Variants in KHNYN observed in about 807,000 individuals in gnomAD.
KHNYN encodes KH and NYN domain containing, also known as protein KHNYN.
In KHNYN, 42 loss-of-function variants were observed where a neutral mutation model predicts 62.7. That is an observed-to-expected ratio of 0.67 (90% CI 0.52 to 0.87). KHNYN has a LOEUF of 0.87. KHNYN is among the 40% of genes least tolerant of loss of function. KHNYN has a pLI of 0.00. For synonymous variants in KHNYN, 347 were observed against 345.6 expected, an observed-to-expected ratio of 1.00 and a Z score of -0.04; for missense variants, 829 against 874.1, an observed-to-expected ratio of 0.95 and a Z score of 0.65.
At position 24,437,670 on chromosome 14, in the gene KHNYN, T is replaced by C; in HGVS notation, c.*385T>C. On this transcript the variant is annotated 3_prime_UTR_variant, in exon 8 of 8. Coordinates refer to ENST00000553935, the MANE Select transcript of KHNYN (RefSeq NM_015299.3). The surrounding 1 kb of genome is among the most constrained non-coding windows in gnomAD (Gnocchi z 5.5). The stretch of plus-strand genomic sequence containing the variant: ...AGCTGTTCCTCTCCCTGGCTGCTGC[T>C]CTGGATGGCCAGAGAACAAGATGCT... The C allele has an allele frequency of 5.5e-6, 1 of 181,302 alleles. No homozygotes were observed. Among genetic ancestry groups the C allele is most frequent in the Non-Finnish European group, 1.2e-5 (1 of 85,496 alleles). The allele number at this position is 181,302 out of a possible 1,614,324, so 11.2% of individuals were successfully genotyped here.
Position 24,430,760 on chromosome 14 carries a change from C to G in KHNYN, c.30C>G (p.Ser10=), listed in dbSNP as rs1347195395. 2 of 1,584,948 alleles carry G rather than the reference C, an allele frequency of 1.3e-6. No homozygotes were observed. Among genetic ancestry groups the G allele is most frequent in the East Asian group, 4.6e-5 (2 of 43,024 alleles). Residue 10 remains serine, a synonymous_variant, in exon 2 of 8, where the codon TCC becomes TCG. Transcript: ENST00000553935. The part of the protein sequence containing the change: MPTWGARPA[S]PDRFAVSAEA... ...CTACCTGGGGGGCCCGCCCCGCGTCCCCAGATCGCTTTGCGGTGTCTGCGG... is the reference window on the plus strand; with the variant it reads ...CTACCTGGGGGGCCCGCCCCGCGTCGCCAGATCGCTTTGCGGTGTCTGCGG...
chr14:24,433,661 T>C (rs2043160486), intron 5 of KHNYN, among the ~76,000 whole-genome samples: 1 of 152,246 alleles, frequency 6.6e-6, no homozygotes, highest in African/African-American at 2.4e-5. Flanking sequence ...ATAAGGTATG[T>C]GCTTGCCTTG....
At chr14:24,424,202 A>G in the KHNYN span, among the ~76,000 whole-genome samples, 4 of 152,368 alleles carry the variant, frequency 2.6e-5, no homozygotes, top group East Asian at 7.7e-4. Context: ...GCTCAGGGCA[A>G]TTTTTGAATT....
chr14:24,430,850 C>G lies in KHNYN; in HGVS notation c.120C>G (p.Ser40Arg). Residue 40 changes from serine (S) to arginine (R), a missense_variant, in exon 2 of 8, where the codon AGC becomes AGG. Physicochemically the swap from Ser to Arg is moderately radical, Grantham distance 110. Transcript: ENST00000553935. ...HVERIFSVGV[S>R]VLPKDCPDNP... ...AGCGCATCTTCAGCGTGGGGGTGAG[C>G]GTCCTTCCGAAGGACTGTCCGGACA... is the stretch of plus-strand genomic sequence containing the variant. 6.2e-7 allele frequency: 1 copy of G among 1,613,610 alleles called. No individual in the cohort carries two copies. The highest frequency in any genetic ancestry group is 8.5e-7 in the Non-Finnish European group (1 of 1,179,818).
Position 24,440,674 on chromosome 14 carries a change from G to T in KHNYN, c.*3389G>T. The T allele has an allele frequency of 6.9e-7, 1 of 1,444,506 alleles. No individual in the cohort carries two copies. Among genetic ancestry groups the T allele is most frequent in the Non-Finnish European group, 9.5e-7 (1 of 1,049,158 alleles). 89.5% of individuals were successfully genotyped at this position (1,444,506 alleles called of 1,614,324 possible). On this transcript the variant is annotated 3_prime_UTR_variant, in exon 8 of 8. Transcript: ENST00000553935. ...CTCATCTGCAGGTTGGCTAGAAGTG[G>T]TGGCATCCTCTCACTCTGTAATTGT...
chr14:24,428,399 C>T (rs1470862598), upstream of KHNYN: 6 of 1,613,698 alleles, frequency 3.7e-6, no homozygotes, highest in African/African-American at 1.3e-5. Flanking sequence ...CCCTCGTTCA[C>T]CAGGACCTGG....
chr14:24,431,632 T>C lies in KHNYN; in HGVS notation c.371T>C (p.Leu124Pro). ...RAPGSLMISG[L>P]TEAFVMAQSR... Reference sequence around the variant, plus strand: ...CCAGGCTCACTGATGATCAGTGGCCTGACTGAAGCCTTTGTCATGGCTCAG... The same window carrying C: ...CCAGGCTCACTGATGATCAGTGGCCCGACTGAAGCCTTTGTCATGGCTCAG... Residue 124 changes from leucine (L) to proline (P), a missense_variant, in exon 3 of 8, where the codon CTG becomes CCG. Physicochemically the swap from Leu to Pro is moderately conservative, Grantham distance 98 (BLOSUM62 -3). Coordinates refer to ENST00000553935, the MANE Select transcript of KHNYN (RefSeq NM_015299.3). 1 of 1,613,704 alleles carries C rather than the reference T, an allele frequency of 6.2e-7. No homozygotes were observed. Among genetic ancestry groups the C allele is most frequent in the Non-Finnish European group, 8.5e-7 (1 of 1,179,716 alleles).
chr14:24,440,543 C>A lies in KHNYN; in HGVS notation c.*3258C>A. ...AGGGGTCCTCTCAGCCTTGAAGGAG[C>A]CCACTGCTCCTCCTGGTTTCTGTTT... On this transcript the variant is annotated 3_prime_UTR_variant, in exon 8 of 8. Transcript: ENST00000553935. 3 of 1,543,506 alleles carry A rather than the reference C, an allele frequency of 1.9e-6. No homozygotes were observed. Among genetic ancestry groups the A allele is most frequent in the Non-Finnish European group, 2.6e-6 (3 of 1,137,740 alleles).
At position 24,432,416 on chromosome 14, in the gene KHNYN, G is replaced by A; in HGVS notation, c.1155G>A (p.Arg385=). 6.2e-7 allele frequency: 1 copy of A among 1,613,656 alleles called. No homozygotes were observed. Among genetic ancestry groups the A allele is most frequent in the African/African-American group, 1.3e-5 (1 of 75,046 alleles). The part of the protein sequence containing the change: ...DCGDRGDVGD[R]GDKQQGMARG... ...GAGACCGGGGAGACGTGGGGGACAG[G>A]GGAGACAAGCAGCAGGGCATGGCAC... is the stretch of plus-strand genomic sequence containing the variant. The change falls in exon 3 of 8, where the codon AGG becomes AGA. Residue 385 remains arginine (R), a synonymous_variant. Transcript: ENST00000553935. This position sits in a 1 kb window ranked among gnomAD's most constrained non-coding sequence, Gnocchi z 5.6.
In KHNYN at chr14:24,431,987, C is replaced by T. The variant is rs759371527; in HGVS notation, c.726C>T (p.Pro242=). The change falls in exon 3 of 8, where the codon CCC becomes CCT. Residue 242 remains proline (P), a synonymous_variant. Transcript: ENST00000553935. ...RESLDTGSMG[P]GDCRGARGDT... ...CCCTGGACACTGGATCTATGGGACC[C>T]GGAGATTGCAGGGGAGCAAGGGGAG... 1.4e-5 allele frequency: 22 copies of T among 1,611,868 alleles called. No homozygotes were observed. The highest frequency in any genetic ancestry group is 3.3e-4 in the Middle Eastern group (2 of 6,052).
At position 24,431,066 on chromosome 14, in the gene KHNYN, A is replaced by G. The variant is rs1301055320; in HGVS notation, c.201+135A>G. On this transcript the variant is annotated intron_variant, in intron 2 of 7. Transcript: ENST00000553935. ...TCCACTTCTTGGTTGTCTCACTGGC[A>G]ACCTCAGTGCCCCTGAGTTTTGAGG... The G allele has an allele frequency of 3.9e-6, 3 of 774,638 alleles. No homozygotes were observed. The East Asian group carries it at 8.2e-5, about 21-fold the overall frequency. The allele number at this position is 774,638 out of a possible 1,614,324, so 48.0% of individuals were successfully genotyped here.
upstream of KHNYN, chr14:24,429,824 A>C (rs963390945): frequency 5.3e-5 from 56 of 1,056,642 alleles, 1 homozygote; most frequent in South Asian, 1.3e-3. Flanking sequence ...CGAGCCCTGG[A>C]GCCGCCGAGG....
In KHNYN at chr14:24,432,396, CGGGGAGACGTGGGGGACA is replaced by C; in HGVS notation, c.1144_1161del (p.Val382_Asp387del). The C allele has an allele frequency of 6.2e-7, 1 of 1,613,562 alleles. No individual in the cohort carries two copies. The highest frequency in any genetic ancestry group is 1.1e-5 in the South Asian group (1 of 91,068). ...TGGAGACCGGGGTGACTGCGGAGAC[CGGGGAGACGTGGGGGACA>C]GGGGAGACAAGCAGCAGGGCATGGC... On this transcript the variant is annotated inframe_deletion, in exon 3 of 8. Coordinates refer to ENST00000553935, the MANE Select transcript of KHNYN (RefSeq NM_015299.3). The surrounding 1 kb of genome is among the most constrained non-coding windows in gnomAD (Gnocchi z 5.6).
At chr14:24,424,404 T>C (rs1210782231), upstream of KHNYN, among the ~76,000 whole-genome samples, 1 of 152,268 alleles carries the variant, frequency 6.6e-6, no homozygotes, top group East Asian at 1.9e-4. Context: ...TGTAGCTGCA[T>C]GCCTTTTCTC....
At chr14:24,423,816 T>C in the KHNYN span, among the ~76,000 whole-genome samples, 1 of 152,218 alleles carries the variant, frequency 6.6e-6, no homozygotes, top group Non-Finnish European at 1.5e-5. Context: ...AGGTGAATAG[T>C]TGGAGTCTGT....
At chr14:24,434,639 A>G (rs2043177855) in intron 5 of KHNYN, among the ~76,000 whole-genome samples, 1 of 152,046 alleles carries the variant, frequency 6.6e-6, no homozygotes. Context: ...TCCTGACCTC[A>G]TGATCCGCCC....
intron 1 of KHNYN, chr14:24,430,324 G>A: frequency 1.4e-6 from 1 of 699,614 alleles, no homozygotes; most frequent in Non-Finnish European, 1.8e-6. Context: ...CTTGGAAATG[G>A]CAGACCAGGG....
chr14:24,440,165 A>G lies in KHNYN; in HGVS notation c.*2880A>G, dbSNP rs1356312204. 6.2e-7 allele frequency: 1 copy of G among 1,613,656 alleles called. No homozygotes were observed. Among genetic ancestry groups the G allele is most frequent in the Non-Finnish European group, 8.5e-7 (1 of 1,179,740 alleles). ...AGTGGCCAGTGTTCGCTGTGGGATCACCTTCTGGCCCTCCAGCAGCATGAT... is the reference window on the plus strand; with the variant it reads ...AGTGGCCAGTGTTCGCTGTGGGATCGCCTTCTGGCCCTCCAGCAGCATGAT... On this transcript the variant is annotated 3_prime_UTR_variant, in exon 8 of 8. Transcript: ENST00000553935.
chr14:24,425,352 C>T (rs764262672), upstream of KHNYN, among the ~76,000 whole-genome samples: 1 of 152,272 alleles, frequency 6.6e-6, no homozygotes, highest in Non-Finnish European at 1.5e-5. Context: ...TTGGTGAGCC[C>T]GGGTGACTAA....
Sources: gnomAD v4.1 joint callset for allele counts (sites outside exome capture counted in the v4.1 genomes callset) on GRCh38, gnomAD v4.1.1 for gene constraint, Gnocchi (gnomAD v3.1) non-coding constraint, MANE v1.5 for transcripts, NCBI Gene and HGNC (gene_info 2026-07-23, HGNC 2026-07-21) for gene names.